Variants in UNC5D observed in about 807,000 individuals in gnomAD.
The protein encoded by UNC5D is unc-5 netrin receptor D, also known as netrin receptor UNC5D.
Under a neutral mutation model 105.4 loss-of-function variants are expected in UNC5D, and 39 were observed. That is an observed-to-expected ratio of 0.37 (90% CI 0.29 to 0.48). UNC5D has a LOEUF of 0.48. Among genes scored for constraint, UNC5D ranks in the 20% least tolerant of loss-of-function variants. The probability of loss-of-function intolerance (pLI) is 0.98; values close to 1 mark genes in which losing one functional copy is unlikely to be tolerated. For missense variants in UNC5D, 991 were observed against 1,202.4 expected (o/e 0.82, Z 2.60); for synonymous variants, 452 against 450.4 (o/e 1.00, Z -0.04).
rs183159715 is a variant in UNC5D at position 35,696,856 on chromosome 8, G to A, written c.1085-9073G>A. 3.7e-3 allele frequency among the ~76,000 whole-genome samples: 559 copies of A among 152,164 alleles called. 1 individual carries two copies. Among genetic ancestry groups the A allele is most frequent in the Non-Finnish European group, 6.4e-3 (432 of 67,994 alleles). On this transcript the variant is annotated intron_variant, in intron 7 of 16. Transcript: ENST00000404895. ...ATAAGAAAAGACCTGGCCTTCTTAC[G>A]TGTGTTTAGTACAGGACAGTGTTAG...
chr8:35,330,779 C>A (rs1348701184), intron 1 of UNC5D, among the ~76,000 whole-genome samples: 1 of 152,148 alleles, frequency 6.6e-6, no homozygotes, highest in African/African-American at 2.4e-5. Context: ...CGAGATGAAC[C>A]ATGACAGGCC....
chr8:35,736,868 G>A (rs73586708), intron 11 of UNC5D, among the ~76,000 whole-genome samples: 7,668 of 152,176 alleles, frequency 0.05, 398 homozygotes, highest in Admixed American at 0.11. Context: ...ATCGTGTAGC[G>A]ATGTTTGCCA....
chr8:35,302,466 C>A (rs538104802), intron 1 of UNC5D, among the ~76,000 whole-genome samples: 1 of 152,178 alleles, frequency 6.6e-6, no homozygotes, highest in African/African-American at 2.4e-5. Flanking sequence ...TTCACCAGGG[C>A]TTTTAGACGA....
chr8:35,566,821 T>C (rs1419067691), intron 2 of UNC5D, among the ~76,000 whole-genome samples: 1 of 152,166 alleles, frequency 6.6e-6, no homozygotes, highest in Non-Finnish European at 1.5e-5. Flanking sequence ...CGGCCTATCC[T>C]AGAGCAAAGC....
chr8:35,420,693 G>GA (rs767762030), intron 1 of UNC5D, among the ~76,000 whole-genome samples: 5 of 151,358 alleles, frequency 3.3e-5, no homozygotes, highest in African/African-American at 4.9e-5. Context: ...TGAGTGACTG[G>GA]AAAAATCATA....
intron 3 of UNC5D, among the ~76,000 whole-genome samples, chr8:35,584,879 A>AT (rs1255053434): frequency 6.6e-6 from 1 of 152,096 alleles, no homozygotes; most frequent in African/African-American, 2.4e-5. Flanking sequence ...CATCGTTAAG[A>AT]TTTTTATCTT....
chr8:35,709,487 C>T (rs973941530), intron 8 of UNC5D, among the ~76,000 whole-genome samples: 9 of 151,936 alleles, frequency 5.9e-5, no homozygotes, highest in Non-Finnish European at 1.2e-4. Context: ...GTGAGGAGTT[C>T]GAGACCAGCC....
rs1829812723 is a variant in UNC5D at position 35,742,497 on chromosome 8, C to T, written c.1767-6030C>T. On this transcript the variant is annotated intron_variant, in intron 11 of 16. Coordinates refer to ENST00000404895, the MANE Select transcript of UNC5D (RefSeq NM_080872.4). ...CCAGGGTCTGACATAGTAAAACTAT[C>T]ATTACTCTCCTGCCTGGATTCCTGA... Among the ~76,000 whole-genome samples the T allele has an allele frequency of 2.0e-5, 3 of 152,206 alleles. No homozygotes were observed. In the South Asian group the frequency reaches 6.2e-4, roughly 32 times the overall value.
chr8:35,704,468 A>G (rs930448784), intron 7 of UNC5D, among the ~76,000 whole-genome samples: 1 of 152,222 alleles, frequency 6.6e-6, no homozygotes, highest in African/African-American at 2.4e-5. Context: ...TGTACCGTAC[A>G]GGATTTGCTT....
intron 1 of UNC5D, among the ~76,000 whole-genome samples, chr8:35,289,586 G>A (rs1434304294): frequency 6.6e-6 from 1 of 152,172 alleles, no homozygotes; most frequent in Non-Finnish European, 1.5e-5. Flanking sequence ...TCTCCAGATA[G>A]ATCACACATT....
intron 1 of UNC5D, among the ~76,000 whole-genome samples, chr8:35,516,466 C>T (rs759908220): frequency 1.2e-4 from 18 of 152,190 alleles, no homozygotes; most frequent in East Asian, 1.9e-4. Flanking sequence ...AGCACAGCCA[C>T]GGCAGTATGT....
chr8:35,666,832 T>C (rs1175382418), intron 4 of UNC5D, among the ~76,000 whole-genome samples: 1 of 152,202 alleles, frequency 6.6e-6, no homozygotes. Context: ...AAAGGCAATG[T>C]AATTTCATTT....
intron 1 of UNC5D, among the ~76,000 whole-genome samples, chr8:35,330,220 A>C (rs1810505052): frequency 1.3e-5 from 2 of 152,166 alleles, no homozygotes; most frequent in South Asian, 4.1e-4. Flanking sequence ...CTAATGCAAT[A>C]TTTGTCACAT....
chr8:35,508,651 A>T (rs759133627), intron 1 of UNC5D, among the ~76,000 whole-genome samples: 11 of 152,230 alleles, frequency 7.2e-5, no homozygotes, highest in Non-Finnish European at 1.6e-4. Flanking sequence ...AAGATTTCAG[A>T]GAGTGAAGTG....
chr8:35,434,317 T>C (rs1806859486), intron 1 of UNC5D, among the ~76,000 whole-genome samples: 1 of 152,110 alleles, frequency 6.6e-6, no homozygotes, highest in African/African-American at 2.4e-5. Flanking sequence ...AATGATTCCA[T>C]TTTAGATTTA....
chr8:35,645,401 G>T (rs1290634295), intron 4 of UNC5D, among the ~76,000 whole-genome samples: 1 of 152,112 alleles, frequency 6.6e-6, no homozygotes, highest in Admixed American at 6.6e-5. Context: ...TGCCCAGCTT[G>T]CAATTTTAGC....
Position 35,683,688 on chromosome 8 carries a change from G to A in UNC5D, c.712G>A (p.Ala238Thr), listed in dbSNP as rs1825820396. ...NYTCMAANIV[A>T]KRRSLSATVV... ...CACCTGCATGGCAGCCAACATCGTG[G>A]CTAAGAGGAGAAGCCTGTCGGCCAC... Residue 238 changes from alanine to threonine, a missense_variant, in exon 5 of 17, where the codon GCT becomes ACT. Physicochemically the swap from Ala to Thr is moderately conservative, Grantham distance 58. Around this residue, in one of 3 missense-constraint regions of UNC5D, gnomAD observed 944 missense variants for 1,131.6 expected, o/e 0.83. Coordinates refer to ENST00000404895, the MANE Select transcript of UNC5D (RefSeq NM_080872.4). 2.6e-6 allele frequency: 4 copies of A among 1,557,346 alleles called. No homozygotes were observed. Among genetic ancestry groups the A allele is most frequent in the African/African-American group, 1.4e-5 (1 of 71,100 alleles).
At chr8:35,361,256 C>T (rs544139339) in intron 1 of UNC5D, among the ~76,000 whole-genome samples, 1 of 152,118 alleles carries the variant, frequency 6.6e-6, no homozygotes, top group East Asian at 1.9e-4. Flanking sequence ...TTTCTTCATG[C>T]AAATATTGTC....
In UNC5D at chr8:35,235,806, G is replaced by T. The variant is rs1218399932; in HGVS notation, c.22G>T (p.Ala8Ser). The T allele has an allele frequency of 8.1e-7, 1 of 1,229,792 alleles. No individual in the cohort carries two copies. The allele number at this position is 1,229,792 out of a possible 1,614,324, so 76.2% of individuals were successfully genotyped here. The change falls in exon 1 of 17, where the codon GCA (alanine) becomes TCA (serine). Residue 8 changes from alanine to serine, a missense_variant. This residue lies in a region of UNC5D where 944 missense variants were observed against 1,131.6 expected (regional missense o/e 0.83). Coordinates refer to ENST00000404895, the MANE Select transcript of UNC5D (RefSeq NM_080872.4). The part of the protein sequence containing the change: MGRAAAT[A>S]GGGGGARRWL... Reference sequence around the variant, plus strand: ...GAGCATGGGGAGAGCGGCGGCCACCGCAGGCGGCGGCGGAGGGGCGCGCCG... The same window carrying T: ...GAGCATGGGGAGAGCGGCGGCCACCTCAGGCGGCGGCGGAGGGGCGCGCCG...
Sources: gnomAD v4.1 joint callset for allele counts (sites outside exome capture counted in the v4.1 genomes callset) on GRCh38, gnomAD v4.1.1 for gene constraint, gnomAD v4.1.1 regional missense constraint, MANE v1.5 for transcripts, NCBI Gene and HGNC (gene_info 2026-07-23, HGNC 2026-07-21) for gene names.